CDH8: variants seen among roughly 807,000 people sequenced by gnomAD.
CDH8 encodes cadherin-8.
Under a neutral mutation model 68.1 loss-of-function variants are expected in CDH8, and 17 were observed. The observed-to-expected ratio is 0.25, with a 90% CI of 0.17 to 0.37. The LOEUF is 0.37. CDH8 is among the 10% of genes least tolerant of loss of function. CDH8 has a pLI of 1.00. For synonymous variants in CDH8, 372 were observed against 365.1 expected (o/e 1.02, Z -0.21); for missense variants, 763 against 999.3 (o/e 0.76, Z 3.19).
intron 4 of CDH8, among the ~76,000 whole-genome samples, chr16:61,855,422 A>G (rs1490693770): frequency 6.6e-6 from 1 of 152,170 alleles, no homozygotes; most frequent in Non-Finnish European, 1.5e-5. Context: ...TTACCATGCT[A>G]CCTTTATTTA....
At chr16:61,861,526 A>G (rs981577982) in intron 3 of CDH8, among the ~76,000 whole-genome samples, 5 of 152,276 alleles carry the variant, frequency 3.3e-5, no homozygotes, top group East Asian at 3.9e-4. Context: ...TTGGGTTTCT[A>G]TCTTCTACAT....
Position 61,918,339 on chromosome 16 carries a change from G to A in CDH8, c.253-16866C>T, listed in dbSNP as rs187421667. Reference sequence around the variant, plus strand: ...AAGATGGCCGAATAGGAACAGCTCCGGTCTACAGCTCCCAGCGTGAGCGAC... The same window carrying A: ...AAGATGGCCGAATAGGAACAGCTCCAGTCTACAGCTCCCAGCGTGAGCGAC... On this transcript the variant is annotated intron_variant, in intron 2 of 11. Coordinates refer to ENST00000577390, the MANE Select transcript of CDH8 (RefSeq NM_001796.5). 2.4e-3 allele frequency: 379 copies of A among 156,758 alleles called. 2 individuals carry two copies. The highest frequency in any genetic ancestry group is 3.9e-3 in the Non-Finnish European group (283 of 71,668). The allele number at this position is 156,758 out of a possible 1,614,324, so 9.7% of individuals were successfully genotyped here.
rs773616201 is a variant in CDH8 at position 61,647,953 on chromosome 16, C to A, written c.*5655G>T. The A allele has an allele frequency of 9.1e-6, 6 of 661,858 alleles. No individual in the cohort carries two copies. The highest frequency in any genetic ancestry group is 1.8e-5 in the African/African-American group (1 of 55,144). 41.0% of individuals were successfully genotyped at this position (661,858 alleles called of 1,614,324 possible). A position where few individuals can be genotyped will look rare whatever the true frequency, so the allele number is the denominator to read the frequency against. On this transcript the variant is annotated 3_prime_UTR_variant, in exon 12 of 12. Coordinates refer to ENST00000577390, the MANE Select transcript of CDH8 (RefSeq NM_001796.5). Reference sequence around the variant, plus strand: ...GGATACTTGCAAGAAATAATACTTGCATTCAAGATGTGAATTAGATGGTGG... The same window carrying A: ...GGATACTTGCAAGAAATAATACTTGAATTCAAGATGTGAATTAGATGGTGG...
At chr16:61,984,455 C>T (rs947159164) in intron 2 of CDH8, among the ~76,000 whole-genome samples, 23 of 148,954 alleles carry the variant, frequency 1.5e-4, no homozygotes, top group African/African-American at 5.0e-4. Context: ...TTGTCTTTTA[C>T]GTTTTTTTTT....
chr16:61,972,845 T>C (rs1965367783), intron 2 of CDH8, among the ~76,000 whole-genome samples: 1 of 152,122 alleles, frequency 6.6e-6, no homozygotes, highest in South Asian at 2.1e-4. Context: ...AAAGAAGCAG[T>C]CTGCATAATG....
chr16:61,649,645 T>G lies in CDH8; in HGVS notation c.*3963A>C, dbSNP rs1963275895. 6.6e-6 allele frequency: 1 copy of G among 151,910 alleles called. No homozygotes were observed. Among genetic ancestry groups the G allele is most frequent in the African/African-American group, 2.4e-5 (1 of 41,386 alleles). The allele number at this position is 151,910 out of a possible 1,614,324, so 9.4% of individuals were successfully genotyped here. ...TATTACTGGTTACACTGCCCTGATC[T>G]CAGATGGAACTTTCAATCAAAAAGG... On this transcript the variant is annotated 3_prime_UTR_variant, in exon 12 of 12. Coordinates refer to ENST00000577390, the MANE Select transcript of CDH8 (RefSeq NM_001796.5).
At chr16:61,702,853 T>C (rs1475947417) in intron 10 of CDH8, among the ~76,000 whole-genome samples, 2 of 152,222 alleles carry the variant, frequency 1.3e-5, no homozygotes, top group Non-Finnish European at 2.9e-5. Context: ...GCAAGTCACT[T>C]ACTATAGCTG....
At chr16:61,874,186 A>C (rs1423140564) in intron 3 of CDH8, among the ~76,000 whole-genome samples, 1 of 152,206 alleles carries the variant, frequency 6.6e-6, no homozygotes, top group Non-Finnish European at 1.5e-5. Flanking sequence ...GTACCCACAA[A>C]AAATTTTTTT....
intron 10 of CDH8, among the ~76,000 whole-genome samples, chr16:61,655,930 T>C (rs1194255084): frequency 1.3e-5 from 2 of 150,130 alleles, no homozygotes; most frequent in African/African-American, 4.9e-5. Flanking sequence ...TGGAGTGCAG[T>C]GGCGCTATCT....
At chr16:61,862,521 A>C (rs2143018589) in intron 3 of CDH8, among the ~76,000 whole-genome samples, 1 of 152,256 alleles carries the variant, frequency 6.6e-6, no homozygotes, top group Non-Finnish European at 1.5e-5. Flanking sequence ...CACATCCTTC[A>C]GCTTTAGACA....
At chr16:61,960,902 A>C (rs1965143031) in intron 2 of CDH8, among the ~76,000 whole-genome samples, 1 of 152,176 alleles carries the variant, frequency 6.6e-6, no homozygotes, top group Admixed American at 6.5e-5. Flanking sequence ...ATTTGCATTC[A>C]ATAAAGTTAT....
intron 3 of CDH8, among the ~76,000 whole-genome samples, chr16:61,870,805 C>T (rs775365580): frequency 2.0e-4 from 31 of 151,970 alleles, no homozygotes; most frequent in Non-Finnish European, 3.5e-4. Context: ...TTTGAATCTC[C>T]CTTTCTAATC....
chr16:61,710,761 T>C (rs1418999942), intron 10 of CDH8: 1 of 147,920 alleles, frequency 6.8e-6, no homozygotes, highest in Non-Finnish European at 1.5e-5. Flanking sequence ...TTACCTACAG[T>C]GTTCAGGCTG....
At chr16:62,032,639 T>A (rs962984999) in intron 1 of CDH8, among the ~76,000 whole-genome samples, 1 of 152,204 alleles carries the variant, frequency 6.6e-6, no homozygotes, top group African/African-American at 2.4e-5. Flanking sequence ...GGACCTTAAA[T>A]TGCACCTCTA....
chr16:61,851,996 AGTCAAACTCAGTT>A (rs1962947736), intron 4 of CDH8, among the ~76,000 whole-genome samples: 1 of 152,090 alleles, frequency 6.6e-6, no homozygotes, highest in African/African-American at 2.4e-5. Flanking sequence ...GAAACATGCA[AGTCAAACTCAGTT>A]GTCTCATCAG....
intron 3 of CDH8, among the ~76,000 whole-genome samples, chr16:61,898,448 G>A (rs370944884): frequency 1.4e-4 from 21 of 152,240 alleles, no homozygotes; most frequent in African/African-American, 5.1e-4. Context: ...CCGAATGGGT[G>A]TATCTACCAA....
intron 4 of CDH8, among the ~76,000 whole-genome samples, chr16:61,836,909 C>A (rs1962580560): frequency 6.6e-6 from 1 of 151,976 alleles, no homozygotes. Flanking sequence ...CAACTTGATT[C>A]TTTCACAGTA....
chr16:61,953,383 A>G (rs1201760290), intron 2 of CDH8, among the ~76,000 whole-genome samples: 1 of 152,184 alleles, frequency 6.6e-6, no homozygotes, highest in Non-Finnish European at 1.5e-5. Context: ...GTACAGGAAC[A>G]CTATTAATTT....
chr16:61,766,798 G>A (rs759690737), intron 8 of CDH8, among the ~76,000 whole-genome samples: 6 of 151,808 alleles, frequency 4.0e-5, no homozygotes, highest in Non-Finnish European at 8.8e-5. Context: ...TCTATTCATC[G>A]TAATATTATG....
Sources: allele counts gnomAD v4.1 joint callset (sites outside exome capture counted in the v4.1 genomes callset), GRCh38; gene constraint gnomAD v4.1.1; transcripts MANE v1.5; gene names NCBI Gene and HGNC (gene_info 2026-07-23, HGNC 2026-07-21).